The following GPATCH2 variants were observed in gnomAD, a reference collection of about 807,000 sequenced individuals.
The protein encoded by GPATCH2 is G-patch domain containing 2.
A neutral mutation model predicts 58.0 loss-of-function variants in GPATCH2; 51 were observed. That is an observed-to-expected ratio of 0.88 (90% confidence interval 0.70 to 1.11). The LOEUF is 1.11. GPATCH2 is among the 50% of genes most tolerant of loss of function. The pLI is 0.00. For missense variants in GPATCH2, 625 were observed against 652.2 expected, an observed-to-expected ratio of 0.96 and a Z score of 0.45; for synonymous variants, 222 against 218.5, an observed-to-expected ratio of 1.02 and a Z score of -0.14.
chr1:217,445,362 T>TA (rs1376234424), intron 9 of GPATCH2, among the ~76,000 whole-genome samples: 1 of 152,188 alleles, frequency 6.6e-6, no homozygotes, highest in Non-Finnish European at 1.5e-5. Context: ...ATCTTTTTAC[T>TA]ATTAAATCCT....
intron 5 of GPATCH2, among the ~76,000 whole-genome samples, chr1:217,548,578 T>C (rs911805079): frequency 1.3e-5 from 2 of 152,172 alleles, no homozygotes; most frequent in African/African-American, 2.4e-5. Flanking sequence ...TTTATAAAAC[T>C]TTCTTTTGTC....
chr1:217,560,958 G>A (rs966191045), intron 5 of GPATCH2, among the ~76,000 whole-genome samples: 5 of 152,144 alleles, frequency 3.3e-5, no homozygotes, highest in Non-Finnish European at 7.4e-5. Context: ...TTATTTAATG[G>A]GGTAGGGAAG....
At chr1:217,447,967 G>T (rs892921739) in intron 9 of GPATCH2, among the ~76,000 whole-genome samples, 6 of 151,924 alleles carry the variant, frequency 3.9e-5, no homozygotes, top group African/African-American at 1.2e-4. Context: ...GCATGGTGGT[G>T]GGCGCCCATA....
At chr1:217,608,391 T>G in intron 5 of GPATCH2, 5 of 984,658 alleles carry the variant, frequency 5.1e-6, no homozygotes, top group Non-Finnish European at 6.0e-6. Context: ...ATATATAGTA[T>G]GTCTCCATCA....
chr1:217,479,612 C>G (rs1661127574), intron 8 of GPATCH2, among the ~76,000 whole-genome samples: 1 of 151,904 alleles, frequency 6.6e-6, no homozygotes, highest in African/African-American at 2.4e-5. Context: ...GAGAAGACCA[C>G]AAAACAACCA....
intron 5 of GPATCH2, among the ~76,000 whole-genome samples, chr1:217,543,300 C>G (rs1360228999): frequency 7.3e-6 from 1 of 137,378 alleles, no homozygotes; most frequent in African/African-American, 2.7e-5. Context: ...GACAGAGTCT[C>G]GCTCTGTCGC....
At chr1:217,437,121 T>G (rs1423174174) in intron 9 of GPATCH2, among the ~76,000 whole-genome samples, 1 of 152,068 alleles carries the variant, frequency 6.6e-6, no homozygotes, top group Non-Finnish European at 1.5e-5. Flanking sequence ...ACCCAGGAAG[T>G]GCAAGTGGTG....
intron 8 of GPATCH2, among the ~76,000 whole-genome samples, chr1:217,478,009 C>T (rs1299206239): frequency 6.6e-6 from 1 of 152,182 alleles, no homozygotes; most frequent in Non-Finnish European, 1.5e-5. Flanking sequence ...GAATCTCTGC[C>T]TGGTAATCCA....
intron 5 of GPATCH2, among the ~76,000 whole-genome samples, chr1:217,553,571 A>C (rs1319593534): frequency 3.3e-5 from 5 of 152,156 alleles, no homozygotes; most frequent in African/African-American, 1.2e-4. Context: ...AGGGAACATT[A>C]AGTAATATTT....
chr1:217,553,091 A>C lies in GPATCH2; in HGVS notation c.1099-38202T>G, dbSNP rs180919865. On this transcript the variant is annotated intron_variant, in intron 5 of 9. Transcript: ENST00000366935. ...TTCATTTTTCTTAAGGGGAAACACCAAATCTAGAATGTTAAAAAATAGTTA... is the reference window on the plus strand; with the variant it reads ...TTCATTTTTCTTAAGGGGAAACACCCAATCTAGAATGTTAAAAAATAGTTA... 2.0e-5 allele frequency among the ~76,000 whole-genome samples: 3 copies of C among 152,250 alleles called. No homozygotes were observed. The East Asian group carries it at 5.8e-4, about 29-fold the overall frequency.
chr1:217,475,164 C>T (rs1230647840), intron 8 of GPATCH2, among the ~76,000 whole-genome samples: 4 of 152,154 alleles, frequency 2.6e-5, no homozygotes, highest in African/African-American at 7.2e-5. Flanking sequence ...GAAGGCTCGG[C>T]GCGGTGGCTC....
rs72745401 is a variant in GPATCH2 at position 217,507,838 on chromosome 1, G to A, written c.1166+6984C>T. On this transcript the variant is annotated intron_variant, in intron 6 of 9. Transcript: ENST00000366935. ...CTTTTTAATTGACTTTTGGTTGAGC[G>A]ATGTGTAGTGTGTAACTTTAGAAAA... is the stretch of plus-strand genomic sequence containing the variant. Among the ~76,000 whole-genome samples the A allele has an allele frequency of 5.8e-3, 887 of 152,204 alleles. 6 individuals are homozygous for A. The highest frequency in any genetic ancestry group is 9.4e-3 in the Non-Finnish European group (640 of 67,984).
intron 8 of GPATCH2, among the ~76,000 whole-genome samples, chr1:217,465,259 A>G (rs1383115827): frequency 1.3e-5 from 2 of 152,170 alleles, no homozygotes; most frequent in Non-Finnish European, 2.9e-5. Flanking sequence ...TTAAAAAGTG[A>G]ATTAGAAAGT....
intron 6 of GPATCH2, among the ~76,000 whole-genome samples, chr1:217,512,551 T>C (rs1662906020): frequency 1.3e-5 from 2 of 152,162 alleles, no homozygotes; most frequent in Admixed American, 1.3e-4. Flanking sequence ...TAAAGACCTA[T>C]ACCTACCTGC....
At chr1:217,610,832 A>AT in intron 4 of GPATCH2, 57 bp downstream of exon 4, 2 of 1,174,370 alleles carry the variant, frequency 1.7e-6, no homozygotes. Context: ...CCTTGAATGA[A>AT]TATTCCTAGA....
At chr1:217,524,613 C>T (rs1010859590) in intron 5 of GPATCH2, among the ~76,000 whole-genome samples, 14 of 151,808 alleles carry the variant, frequency 9.2e-5, no homozygotes, top group Middle Eastern at 3.4e-3. Context: ...AATCCCGGCA[C>T]CTCGGGAGGC....
At chr1:217,577,501 G>T (rs1048765389) in intron 5 of GPATCH2, among the ~76,000 whole-genome samples, 7 of 152,108 alleles carry the variant, frequency 4.6e-5, no homozygotes, top group African/African-American at 1.7e-4. Context: ...GGTTAAATGA[G>T]CATGTTTGTG....
At chr1:217,484,693 A>G (rs1292565851) in intron 8 of GPATCH2, among the ~76,000 whole-genome samples, 1 of 150,290 alleles carries the variant, frequency 6.7e-6, no homozygotes, top group Non-Finnish European at 1.5e-5. Flanking sequence ...ATATGAACAT[A>G]TATGTGTATA....
chr1:217,432,154 CTCCCTCCT>C (rs1346899592), intron 9 of GPATCH2, among the ~76,000 whole-genome samples: 1 of 151,636 alleles, frequency 6.6e-6, no homozygotes, highest in Non-Finnish European at 1.5e-5. Context: ...CTTCCCTTCC[CTCCCTCCT>C]TCCCTCCTTC....
Sources: gnomAD v4.1 joint callset for allele counts (sites outside exome capture counted in the v4.1 genomes callset) on GRCh38, gnomAD v4.1.1 for gene constraint, MANE v1.5 for transcripts, NCBI Gene and HGNC (gene_info 2026-07-23, HGNC 2026-07-21) for gene names.